Variants in RORA observed in about 807,000 individuals in gnomAD.
The protein encoded by RORA is nuclear receptor ROR-alpha.
RORA carries 7 observed loss-of-function variants against 69.5 expected under a neutral mutation model. The observed-to-expected ratio is 0.10, with a 90% CI of 0.06 to 0.19. The LOEUF (loss-of-function observed/expected upper bound fraction) is 0.19, where lower values mean the gene tolerates loss of function less well. Among genes scored for constraint, RORA ranks in the 10% least tolerant of loss-of-function variants. The probability of loss-of-function intolerance (pLI) is 1.00; values close to 1 mark genes in which losing one functional copy is unlikely to be tolerated. For synonymous variants in RORA, 261 were observed against 240.8 expected, an observed-to-expected ratio of 1.08 and a Z score of -0.78; for missense variants, 457 against 663.0, an observed-to-expected ratio of 0.69 and a Z score of 3.41.
intron 1 of RORA, among the ~76,000 whole-genome samples, chr15:60,888,639 C>T (rs2073778280): frequency 1.3e-5 from 2 of 152,210 alleles, no homozygotes; most frequent in Admixed American, 1.3e-4. Flanking sequence ...CATTTCTGGG[C>T]ACAGTGTGGC....
intron 1 of RORA, among the ~76,000 whole-genome samples, chr15:60,990,020 C>T (rs1894324310): frequency 6.6e-6 from 1 of 152,174 alleles, no homozygotes; most frequent in South Asian, 2.1e-4. Flanking sequence ...CTCAAACACC[C>T]TGAGGTCATA....
rs369581143 is a variant in RORA, at chr15:60,702,256, C to T, written c.167-23570G>A. On this transcript the variant is annotated intron_variant, in intron 1 of 10. Transcript: ENST00000335670. ...CTTTTCTTTTTTTGAGACAGAGTCT[C>T]GCTCTGTCACCCAGGCTGGAGTGCA... Among the ~76,000 whole-genome samples, 4 of 152,090 alleles carry T rather than the reference C, an allele frequency of 2.6e-5. No homozygotes were observed. In the South Asian group the frequency reaches 6.2e-4, roughly 24 times the overall value.
chr15:60,646,823 G>A (rs1327094016), intron 2 of RORA, among the ~76,000 whole-genome samples: 1 of 152,206 alleles, frequency 6.6e-6, no homozygotes, highest in East Asian at 1.9e-4. Flanking sequence ...TCGTATGCTT[G>A]GGCAAGTCAC....
rs1055102597 is a variant in RORA, at chr15:61,213,099, T to G, written c.166+15954A>C. Among the ~76,000 whole-genome samples, 2 of 152,104 alleles carry G rather than the reference T, an allele frequency of 1.3e-5. No individual in the cohort carries two copies. Among genetic ancestry groups the G allele is most frequent in the African/African-American group, 4.8e-5 (2 of 41,426 alleles). ...ACTTCCAACTCAGCCCATCCCAAAT[T>G]GAACCCATGCCTTCTCTCCTCTTCA... On this transcript the variant is annotated intron_variant, in intron 1 of 10. Transcript: ENST00000335670. This position sits in a 1 kb window ranked among gnomAD's most constrained non-coding sequence, Gnocchi z 4.1.
At chr15:60,961,333 CAGA>C (rs1893408223) in intron 1 of RORA, among the ~76,000 whole-genome samples, 1 of 152,188 alleles carries the variant, frequency 6.6e-6, no homozygotes, top group South Asian at 2.1e-4. Context: ...AATCTGTTCA[CAGA>C]AGAGTTCTCT....
chr15:60,801,891 G>A (rs2072587261), intron 1 of RORA, among the ~76,000 whole-genome samples: 1 of 152,242 alleles, frequency 6.6e-6, no homozygotes, highest in Admixed American at 6.5e-5. Context: ...CTCAGTGTAA[G>A]AAGCTGTTTT....
chr15:60,935,994 C>T (rs1892509133), intron 1 of RORA, among the ~76,000 whole-genome samples: 2 of 152,230 alleles, frequency 1.3e-5, no homozygotes, highest in South Asian at 4.1e-4. Flanking sequence ...TTGTTGAATT[C>T]ATCACCAGTT....
intron 1 of RORA, among the ~76,000 whole-genome samples, chr15:61,207,105 T>C (rs1158044796): frequency 6.6e-6 from 1 of 152,126 alleles, no homozygotes; most frequent in Non-Finnish European, 1.5e-5. Flanking sequence ...TGTATGCATA[T>C]AGACACATAT....
intron 1 of RORA, among the ~76,000 whole-genome samples, chr15:61,003,687 C>G (rs528052017): frequency 2.0e-5 from 3 of 152,214 alleles, no homozygotes; most frequent in Admixed American, 2.0e-4. Flanking sequence ...CTTTCAACTA[C>G]AAAATGCAAA....
At chr15:61,173,253 T>C (rs1368662159) in intron 1 of RORA, among the ~76,000 whole-genome samples, 1 of 152,156 alleles carries the variant, frequency 6.6e-6, no homozygotes, top group Admixed American at 6.5e-5. Context: ...ATCTTGCAGC[T>C]TGAAAGTGGT....
chr15:60,850,263 AC>A (rs1227938011), intron 1 of RORA, among the ~76,000 whole-genome samples: 1 of 151,962 alleles, frequency 6.6e-6, no homozygotes, highest in Non-Finnish European at 1.5e-5. Flanking sequence ...ACTTAGAACA[AC>A]CCTCTTTGGA....
chr15:60,987,678 C>T (rs565530730), intron 1 of RORA, among the ~76,000 whole-genome samples: 1 of 152,280 alleles, frequency 6.6e-6, no homozygotes, highest in African/African-American at 2.4e-5. Flanking sequence ...GTGAAGGCAC[C>T]TCACTTCTTT....
intron 1 of RORA, among the ~76,000 whole-genome samples, chr15:60,821,772 C>T (rs181037762): frequency 2.0e-5 from 3 of 152,294 alleles, no homozygotes; most frequent in African/African-American, 4.8e-5. Context: ...ACTTGCTATG[C>T]TACTCTATCC....
intron 3 of RORA, among the ~76,000 whole-genome samples, chr15:60,517,386 TTTAACTC>T (rs2065999805): frequency 6.6e-6 from 1 of 152,148 alleles, no homozygotes; most frequent in African/African-American, 2.4e-5. Flanking sequence ...TCTGTTGTAC[TTTAACTC>T]TACCCTTGAT....
intron 1 of RORA, among the ~76,000 whole-genome samples, chr15:61,054,715 A>G (rs1467770999): frequency 6.6e-6 from 1 of 152,216 alleles, no homozygotes; most frequent in Non-Finnish European, 1.5e-5. Flanking sequence ...GAGACAAGGC[A>G]CTGTTTGTAA....
intron 1 of RORA, among the ~76,000 whole-genome samples, chr15:61,162,252 C>A (rs2140884580): frequency 6.6e-6 from 1 of 152,332 alleles, no homozygotes; most frequent in African/African-American, 2.4e-5. Flanking sequence ...TGTCTTGGAT[C>A]ATCACTATTC....
chr15:61,056,368 C>T (rs1174597364), intron 1 of RORA, among the ~76,000 whole-genome samples: 1 of 152,198 alleles, frequency 6.6e-6, no homozygotes, highest in African/African-American at 2.4e-5. Context: ...AATGGAAAAA[C>T]TAAAATTCCT....
At position 60,845,365 on chromosome 15, in the gene RORA, T is replaced by A. The variant is rs79213845; in HGVS notation, c.167-166679A>T. Among the ~76,000 whole-genome samples the A allele has an allele frequency of 5.7e-3, 867 of 152,324 alleles. 8 individuals are homozygous for A. The highest frequency in any genetic ancestry group is 0.02 in the African/African-American group (815 of 41,582). On this transcript the variant is annotated intron_variant, in intron 1 of 10. Coordinates refer to ENST00000335670, the MANE Select transcript of RORA (RefSeq NM_134261.3). Reference sequence around the variant, plus strand: ...GCCACAGACGATGGTATGTTTCTCCTCTCTGAAGCTCTGCTAATGCCTCGT... The same window carrying A: ...GCCACAGACGATGGTATGTTTCTCCACTCTGAAGCTCTGCTAATGCCTCGT...
intron 1 of RORA, among the ~76,000 whole-genome samples, chr15:61,069,685 G>A (rs2078313245): frequency 6.6e-6 from 1 of 150,926 alleles, no homozygotes; most frequent in Admixed American, 6.6e-5. Context: ...ACAGCTGTCA[G>A]CCCTTGGAGC....
Sources: allele counts gnomAD v4.1 joint callset (sites outside exome capture counted in the v4.1 genomes callset), GRCh38; gene constraint gnomAD v4.1.1; non-coding constraint Gnocchi (gnomAD v3.1); transcripts MANE v1.5; gene names NCBI Gene and HGNC (gene_info 2026-07-23, HGNC 2026-07-21).